Variants in SYNE3 observed in about 807,000 individuals in gnomAD.
SYNE3 encodes the protein nesprin-3.
SYNE3 carries 100 observed loss-of-function variants against 111.2 expected under a neutral mutation model. That is an observed-to-expected ratio of 0.90 (90% confidence interval 0.77 to 1.06). The LOEUF is 1.06. Among genes scored for constraint, SYNE3 ranks in the 50% least tolerant of loss-of-function variants. The pLI, the probability that SYNE3 is intolerant of heterozygous loss-of-function variation, is 0.00. For missense variants in SYNE3, 1,160 were observed against 1,240.3 expected, an observed-to-expected ratio of 0.94 and a Z score of 0.97; for synonymous variants, 547 against 533.9, an observed-to-expected ratio of 1.02 and a Z score of -0.34.
At chr14:95,439,489 C>T in intron 13 of SYNE3, 123 bp downstream of exon 13, 1 of 1,307,380 alleles carries the variant, frequency 7.6e-7, no homozygotes, top group East Asian at 2.3e-5. Flanking sequence ...TGTGAAGGTG[C>T]CCACGGCCCC....
chr14:95,455,648 T>A lies in SYNE3; in HGVS notation c.866A>T (p.Asn289Ile), dbSNP rs745521271. 1 of 1,614,180 alleles carries A rather than the reference T, an allele frequency of 6.2e-7. No homozygotes were observed. The highest frequency in any genetic ancestry group is 8.5e-7 in the Non-Finnish European group (1 of 1,180,034). Residue 289 changes from asparagine (N) to isoleucine (I), a missense_variant, in exon 6 of 18, where the codon AAC becomes ATC. Asn to Ile is a moderately radical substitution (Grantham distance 149). Coordinates refer to ENST00000682763, the MANE Select transcript of SYNE3 (RefSeq NM_152592.6). ...CTTCTCTGCACCCAAAGGAGAGGTGTTCCGAATGACACCCGCAGACTGCTC... is the reference window on the plus strand; with the variant it reads ...CTTCTCTGCACCCAAAGGAGAGGTGATCCGAATGACACCCGCAGACTGCTC... ...LEEQSAGVIR[N>I]TSPLGAEKIT...
At chr14:95,436,695 T>A in intron 15 of SYNE3, 125 bp downstream of exon 15, 1 of 1,151,544 alleles carries the variant, frequency 8.7e-7, no homozygotes, top group South Asian at 1.6e-5. Flanking sequence ...AAAGCGATTA[T>A]CTATACACAA....
chr14:95,434,511 T>A (rs1408925905), intron 15 of SYNE3, among the ~76,000 whole-genome samples: 5 of 152,154 alleles, frequency 3.3e-5, no homozygotes, highest in African/African-American at 2.4e-5. Flanking sequence ...CTGGACCTTG[T>A]GTAGACTTGC....
intron 1 of SYNE3, among the ~76,000 whole-genome samples, chr14:95,508,916 A>G (rs1285049491): frequency 6.6e-6 from 1 of 152,240 alleles, no homozygotes; most frequent in African/African-American, 2.4e-5. Context: ...TGGAAATATT[A>G]GGATCTGTCC....
At chr14:95,474,463 G>C (rs1566677672) in intron 2 of SYNE3, among the ~76,000 whole-genome samples, 1 of 152,210 alleles carries the variant, frequency 6.6e-6, no homozygotes, top group Non-Finnish European at 1.5e-5. Flanking sequence ...GCAGAAAGCA[G>C]GGGGTATTCC....
chr14:95,450,859 A>G (rs1360634538), intron 7 of SYNE3: 1 of 152,192 alleles, frequency 6.6e-6, no homozygotes, highest in South Asian at 2.1e-4. Flanking sequence ...TAATCATTCT[A>G]AGTGTTAGAT....
chr14:95,481,317 C>G (rs2139534233), intron 1 of SYNE3, among the ~76,000 whole-genome samples: 1 of 152,232 alleles, frequency 6.6e-6, no homozygotes, highest in Admixed American at 6.5e-5. Context: ...GAAAGCAAGC[C>G]CGTGTGAGTC....
chr14:95,475,911 G>A, intron 1 of SYNE3, 76 bp from the exon 2 acceptor site: 4 of 1,335,454 alleles, frequency 3.0e-6, no homozygotes, highest in Non-Finnish European at 3.9e-6. Context: ...CAGGACACCT[G>A]GGACAGGCCC....
Position 95,472,876 on chromosome 14 carries a change from G to A in SYNE3, c.144+2802C>T, listed in dbSNP as rs114715350. ...TACAGATGGGAACATGAGGTCCCGGGAAGGCATGGGACATCCTCCCGGCTG... is the reference window on the plus strand; with the variant it reads ...TACAGATGGGAACATGAGGTCCCGGAAAGGCATGGGACATCCTCCCGGCTG... On this transcript the variant is annotated intron_variant, in intron 2 of 17. Coordinates refer to ENST00000682763, the MANE Select transcript of SYNE3 (RefSeq NM_152592.6). Among the ~76,000 whole-genome samples the A allele has an allele frequency of 6.8e-3, 1,036 of 152,254 alleles. 8 individuals carry two copies. The highest frequency in any genetic ancestry group is 0.023 in the African/African-American group (968 of 41,546).
intron 1 of SYNE3, among the ~76,000 whole-genome samples, chr14:95,480,669 T>A (rs1002887189): frequency 6.6e-6 from 1 of 151,812 alleles, no homozygotes; most frequent in Non-Finnish European, 1.5e-5. Flanking sequence ...TTAATTTGAG[T>A]CATAAAGAAA....
chr14:95,441,449 G>T (rs1188854174), intron 11 of SYNE3, among the ~76,000 whole-genome samples: 5 of 152,226 alleles, frequency 3.3e-5, no homozygotes, highest in African/African-American at 9.6e-5. Context: ...AGACTGCCTC[G>T]CTGTGGGGAA....
At chr14:95,475,297 C>T in intron 2 of SYNE3, among the ~76,000 whole-genome samples, 1 of 152,210 alleles carries the variant, frequency 6.6e-6, no homozygotes, top group African/African-American at 2.4e-5. Flanking sequence ...CTGGCAGGGA[C>T]CCCAACCAGG....
chr14:95,440,095 G>T lies in SYNE3; in HGVS notation c.1912-20C>A, dbSNP rs1886329297. ...AAGGTCCTGCAGCACAGCCCGGGGA[G>T]CCCAGGGCATCCTGAGTGCTGGCCG... On this transcript the variant is annotated intron_variant, in intron 11 of 17. Transcript: ENST00000682763. 1.9e-6 allele frequency: 3 copies of T among 1,579,008 alleles called. No individual in the cohort carries two copies. Among genetic ancestry groups the T allele is most frequent in the South Asian group, 2.2e-5 (2 of 88,996 alleles).
chr14:95,418,065 G>C lies in SYNE3; in HGVS notation c.2728-39C>G. 2.5e-6 allele frequency: 4 copies of C among 1,599,000 alleles called. No individual in the cohort carries two copies. The South Asian group carries it at 4.4e-5, about 18-fold the overall frequency. On this transcript the variant is annotated intron_variant, in intron 17 of 17. Coordinates refer to ENST00000682763, the MANE Select transcript of SYNE3 (RefSeq NM_152592.6). ...ACAGCACAGGTGAGTGGGCTGGGGG[G>C]CTCTGGTGGTGGGGGGCAGGTTCAG...
intron 17 of SYNE3, among the ~76,000 whole-genome samples, chr14:95,419,336 A>G (rs1884940329): frequency 1.3e-5 from 2 of 152,118 alleles, no homozygotes; most frequent in Non-Finnish European, 2.9e-5. Context: ...CAAAATGGGG[A>G]TCAAACACCT....
At chr14:95,477,777 G>A (rs1319656232) in intron 1 of SYNE3, among the ~76,000 whole-genome samples, 1 of 152,284 alleles carries the variant, frequency 6.6e-6, no homozygotes, top group South Asian at 2.1e-4. Context: ...TATGTTCCCT[G>A]TAGCCACTCC....
At chr14:95,433,116 C>T in intron 16 of SYNE3, 144 bp downstream of exon 16, 2 of 1,216,898 alleles carry the variant, frequency 1.6e-6, no homozygotes, top group Non-Finnish European at 2.2e-6. Context: ...GTGTCCCTGT[C>T]CTCTGCCTGA....
At chr14:95,498,482 G>T (rs1890193372) in intron 1 of SYNE3, among the ~76,000 whole-genome samples, 2 of 152,260 alleles carry the variant, frequency 1.3e-5, no homozygotes, top group Non-Finnish European at 2.9e-5. Context: ...GCCGCCCAAA[G>T]TGATGGGATT....
chr14:95,434,939 C>T (rs1440889855), intron 15 of SYNE3, among the ~76,000 whole-genome samples: 1 of 152,232 alleles, frequency 6.6e-6, no homozygotes, highest in African/African-American at 2.4e-5. Context: ...CAGGCGTGAG[C>T]CACCGTGCCC....
Sources: allele counts gnomAD v4.1 joint callset (sites outside exome capture counted in the v4.1 genomes callset), GRCh38; gene constraint gnomAD v4.1.1; transcripts MANE v1.5; gene names NCBI Gene and HGNC (gene_info 2026-07-23, HGNC 2026-07-21).